WDPCP: variants seen among roughly 807,000 people sequenced by gnomAD.
The protein encoded by WDPCP is WD repeat containing planar cell polarity effector.
A neutral mutation model predicts 93.1 loss-of-function variants in WDPCP; 71 were observed. The ratio of observed to expected loss-of-function variants is 0.76; its 90% confidence interval spans 0.63 to 0.93. The LOEUF (loss-of-function observed/expected upper bound fraction) is 0.93. Ranked by LOEUF, WDPCP falls within the 40% of genes least tolerant of loss-of-function variation. The pLI, the probability that WDPCP is intolerant of heterozygous loss-of-function variation, is 0.00. For synonymous variants in WDPCP, 315 were observed against 315.0 expected, an observed-to-expected ratio of 1.00 and a Z score of 0.00; for missense variants, 844 against 887.4, an observed-to-expected ratio of 0.95 and a Z score of 0.62.
intron 12 of WDPCP, among the ~76,000 whole-genome samples, chr2:63,363,101 G>A (rs1690611117): frequency 6.6e-6 from 1 of 151,460 alleles, no homozygotes; most frequent in African/African-American, 2.4e-5. Flanking sequence ...TCTTGTTTTT[G>A]TAAAATGTAT....
At chr2:63,227,801 T>C (rs1399398011) in intron 14 of WDPCP, among the ~76,000 whole-genome samples, 1 of 152,150 alleles carries the variant, frequency 6.6e-6, no homozygotes, top group African/African-American at 2.4e-5. Context: ...TTAATGAAGA[T>C]TGGTTCCTAT....
At chr2:63,357,399 T>C (rs1015217562) in intron 12 of WDPCP, among the ~76,000 whole-genome samples, 1 of 152,006 alleles carries the variant, frequency 6.6e-6, no homozygotes, top group Non-Finnish European at 1.5e-5. Flanking sequence ...CCAGCATCTA[T>C]AAGGAACTTA....
chr2:63,550,768 T>C (rs1490698195), intron 1 of WDPCP, among the ~76,000 whole-genome samples: 1 of 126,394 alleles, frequency 7.9e-6, no homozygotes, highest in African/African-American at 3.2e-5. Flanking sequence ...TACACATATA[T>C]ATGTGCATAT....
intron 2 of WDPCP, among the ~76,000 whole-genome samples, chr2:63,656,052 C>T (rs1710162644): frequency 1.3e-5 from 2 of 152,272 alleles, no homozygotes; most frequent in South Asian, 4.1e-4. Context: ...CTGAAAAGAA[C>T]CTCTTTGCAA....
chr2:63,681,987 G>A (rs566296779), intron 2 of WDPCP, among the ~76,000 whole-genome samples: 1 of 147,758 alleles, frequency 6.8e-6, no homozygotes, highest in South Asian at 2.2e-4. Context: ...CTGGGTTTGG[G>A]GGTGCCCCCA....
intron 9 of WDPCP, among the ~76,000 whole-genome samples, chr2:63,433,370 T>A (rs575183488): frequency 1.3e-5 from 2 of 152,210 alleles, no homozygotes; most frequent in African/African-American, 4.8e-5. Flanking sequence ...ACAAGAGTCA[T>A]AACAGTGAAC....
chr2:63,617,553 G>A (rs1558867508), intron 3 of WDPCP, among the ~76,000 whole-genome samples: 1 of 152,138 alleles, frequency 6.6e-6, no homozygotes, highest in East Asian at 1.9e-4. Context: ...AAGGAATAGG[G>A]GTTTGGGGCT....
intron 3 of WDPCP, among the ~76,000 whole-genome samples, chr2:63,619,149 C>A (rs141080757): frequency 6.6e-6 from 1 of 152,328 alleles, no homozygotes; most frequent in Non-Finnish European, 1.5e-5. Context: ...GACCACCACT[C>A]CCTTCCTCCA....
intron 2 of WDPCP, among the ~76,000 whole-genome samples, chr2:63,781,039 A>G (rs760050377): frequency 3.3e-5 from 5 of 152,346 alleles, no homozygotes; most frequent in Middle Eastern, 3.4e-3. Flanking sequence ...AGAAAATTGA[A>G]GAACCAGGTC....
chr2:63,376,221 C>T (rs901873356), intron 12 of WDPCP, among the ~76,000 whole-genome samples: 2 of 151,762 alleles, frequency 1.3e-5, no homozygotes, highest in African/African-American at 4.8e-5. Flanking sequence ...ACTAATAAAA[C>T]ACTCATTATA....
chr2:63,493,642 T>C (rs1171019153), intron 1 of WDPCP, among the ~76,000 whole-genome samples: 3 of 152,046 alleles, frequency 2.0e-5, no homozygotes, highest in African/African-American at 7.2e-5. Flanking sequence ...ACTTTTTTTT[T>C]TTAATCAAGT....
chr2:63,720,358 G>C (rs1358930694), intron 2 of WDPCP, among the ~76,000 whole-genome samples: 1 of 151,268 alleles, frequency 6.6e-6, no homozygotes, highest in Admixed American at 6.6e-5. Flanking sequence ...CAGAGGTTGC[G>C]GCGAGCCGAG....
intron 6 of WDPCP, among the ~76,000 whole-genome samples, chr2:63,445,890 A>G (rs183539986): frequency 6.6e-6 from 1 of 152,322 alleles, no homozygotes; most frequent in East Asian, 1.9e-4. Flanking sequence ...AACTGATACA[A>G]AATAAGTATG....
intron 14 of WDPCP, among the ~76,000 whole-genome samples, chr2:63,216,729 AAAAT>A (rs1429534383): frequency 2.6e-5 from 4 of 152,198 alleles, no homozygotes; most frequent in African/African-American, 7.2e-5. Flanking sequence ...AAACTAAAAA[AAAAT>A]AAATAAAATA....
intron 2 of WDPCP, among the ~76,000 whole-genome samples, chr2:63,754,031 G>T (rs1162818555): frequency 1.3e-5 from 2 of 152,212 alleles, no homozygotes; most frequent in Non-Finnish European, 2.9e-5. Flanking sequence ...CAAGGATCTG[G>T]TCTTAGGTAA....
intron 14 of WDPCP, among the ~76,000 whole-genome samples, chr2:63,179,395 A>G (rs1674067636): frequency 6.6e-6 from 1 of 151,858 alleles, no homozygotes; most frequent in Non-Finnish European, 1.5e-5. Context: ...GATTTCTCAT[A>G]AATGGTTTAG....
At chr2:63,182,260 T>C (rs562269266) in intron 14 of WDPCP, among the ~76,000 whole-genome samples, 2 of 152,158 alleles carry the variant, frequency 1.3e-5, no homozygotes, top group East Asian at 3.9e-4. Context: ...TTTCCCTGTT[T>C]AGTATAATGT....
chr2:63,522,451 GACAGACACACACACACAC>G (rs1434420131), intron 1 of WDPCP, among the ~76,000 whole-genome samples: 1 of 92,070 alleles, frequency 1.1e-5, no homozygotes, highest in Non-Finnish European at 2.1e-5. Context: ...CAGACAGACA[GACAGACACACACACACAC>G]ACACACACAC....
chr2:63,640,377 C>T (rs1709968154), intron 3 of WDPCP, among the ~76,000 whole-genome samples: 1 of 152,136 alleles, frequency 6.6e-6, no homozygotes. Flanking sequence ...CCCTGTAGTC[C>T]CAGCTATTCA....
Sources: gnomAD v4.1 joint callset for allele counts (sites outside exome capture counted in the v4.1 genomes callset) on GRCh38, gnomAD v4.1.1 for gene constraint, MANE v1.5 for transcripts, NCBI Gene and HGNC (gene_info 2026-07-23, HGNC 2026-07-21) for gene names.